Variants in PRDM16 observed in about 807,000 individuals in gnomAD.
The protein encoded by PRDM16 is histone-lysine N-methyltransferase PRDM16.
A neutral mutation model predicts 110.6 loss-of-function variants in PRDM16; 23 were observed. The observed-to-expected ratio is 0.21, with a 90% CI of 0.15 to 0.29. The LOEUF (loss-of-function observed/expected upper bound fraction) is 0.29. PRDM16 is among the 10% of genes least tolerant of loss of function. The pLI is 1.00. For missense variants in PRDM16, 1,615 were observed against 1,794.3 expected (o/e 0.90, Z 1.81); for synonymous variants, 799 against 781.8 (o/e 1.02, Z -0.37).
At chr1:3,335,641 A>ACACACACACACCCC (rs763183715) in intron 3 of PRDM16, among the ~76,000 whole-genome samples, 2 of 146,394 alleles carry the variant, frequency 1.4e-5, no homozygotes, top group African/African-American at 5.0e-5. Flanking sequence ...ACACACACAC[A>ACACACACACACCCC]CCCTTGGACA....
At chr1:3,215,991 C>A (rs1159912280) in intron 2 of PRDM16, among the ~76,000 whole-genome samples, 1 of 152,102 alleles carries the variant, frequency 6.6e-6, no homozygotes, top group Non-Finnish European at 1.5e-5. Context: ...CATTTTTCCC[C>A]CTGAAACACT....
intron 12 of PRDM16, among the ~76,000 whole-genome samples, chr1:3,420,528 A>G (rs1296618161): frequency 1.3e-5 from 2 of 152,234 alleles, no homozygotes; most frequent in Non-Finnish European, 2.9e-5. Flanking sequence ...GTGATAGGGT[A>G]ATCAAACCAG....
rs112486012 is a variant in PRDM16 at position 3,251,890 on chromosome 1, T to C, written c.438+7753T>C. On this transcript the variant is annotated intron_variant, in intron 3 of 16. Coordinates refer to ENST00000270722, the MANE Select transcript of PRDM16 (RefSeq NM_022114.4). ...CTGAGCCCTGGTTAGCCTCTTCTGC[T>C]TTAAACACGAACACACACCTCAGCA... Among the ~76,000 whole-genome samples, 355 of 152,342 alleles carry C rather than the reference T, an allele frequency of 2.3e-3. 1 individual carries two copies. Among genetic ancestry groups the C allele is most frequent in the African/African-American group, 8.2e-3 (340 of 41,564 alleles).
intron 16 of PRDM16, among the ~76,000 whole-genome samples, chr1:3,432,505 G>C (rs1638795608): frequency 6.6e-6 from 1 of 152,222 alleles, no homozygotes; most frequent in Non-Finnish European, 1.5e-5. Flanking sequence ...TGCAGCCCGG[G>C]CTTTTCCCGG....
In PRDM16 at chr1:3,190,294, C is replaced by A. The variant is rs1337424127; in HGVS notation, c.387+3820C>A. Among the ~76,000 whole-genome samples, 3 of 151,872 alleles carry A rather than the reference C, an allele frequency of 2.0e-5. No individual in the cohort carries two copies. The highest frequency in any genetic ancestry group is 7.3e-5 in the African/African-American group (3 of 41,280). On this transcript the variant is annotated intron_variant, in intron 2 of 16. Coordinates refer to ENST00000270722, the MANE Select transcript of PRDM16 (RefSeq NM_022114.4). The surrounding 1 kb of genome is among the most constrained non-coding windows in gnomAD (Gnocchi z 5.0). ...GCCTTACTTCAAGGTCGTGGGGCAGCCTTACTTTAAGTGGGAGCTTTCCGT... is the reference window on the plus strand; with the variant it reads ...GCCTTACTTCAAGGTCGTGGGGCAGACTTACTTTAAGTGGGAGCTTTCCGT...
At chr1:3,135,570 G>A (rs763667691) in intron 1 of PRDM16, among the ~76,000 whole-genome samples, 49 of 152,102 alleles carry the variant, frequency 3.2e-4, no homozygotes, top group Middle Eastern at 3.4e-3. Flanking sequence ...CTCCCCCTCC[G>A]TGGCCCGCAG....
chr1:3,099,020 G>A (rs1156620312), intron 1 of PRDM16, among the ~76,000 whole-genome samples: 2 of 152,210 alleles, frequency 1.3e-5, no homozygotes, highest in African/African-American at 2.4e-5. Flanking sequence ...GGAGGGTTGG[G>A]CCACCCACTC....
intron 3 of PRDM16, among the ~76,000 whole-genome samples, chr1:3,268,212 G>A (rs534461979): frequency 1.1e-4 from 16 of 152,210 alleles, no homozygotes; most frequent in Non-Finnish European, 2.1e-4. Context: ...GGCTCGGCGC[G>A]CGTCAGACCA....
intron 7 of PRDM16, 80 bp downstream of exon 7, chr1:3,404,966 C>A: frequency 6.8e-7 from 1 of 1,475,602 alleles, no homozygotes; most frequent in Admixed American, 2.3e-5. Flanking sequence ...GCTCCCTACA[C>A]CCCCTGGTCC....
intron 3 of PRDM16, among the ~76,000 whole-genome samples, chr1:3,373,066 TG>T (rs1642932114): frequency 6.6e-6 from 1 of 152,150 alleles, no homozygotes; most frequent in South Asian, 2.1e-4. Context: ...GGACCAGACA[TG>T]GATGCTTCCA....
chr1:3,115,008 G>A (rs1176482008), intron 1 of PRDM16, among the ~76,000 whole-genome samples: 1 of 152,276 alleles, frequency 6.6e-6, no homozygotes, highest in South Asian at 2.1e-4. Flanking sequence ...TGACATCTGG[G>A]TGTAGCCTCT....
chr1:3,237,642 G>A (rs1215280194), intron 2 of PRDM16, among the ~76,000 whole-genome samples: 2 of 152,262 alleles, frequency 1.3e-5, no homozygotes, highest in Admixed American at 6.5e-5. Flanking sequence ...GGGAGAGGAA[G>A]AGCAGTGCCC....
At position 3,189,639 on chromosome 1, in the gene PRDM16, A is replaced by G. The variant is rs181755678; in HGVS notation, c.387+3165A>G. Among the ~76,000 whole-genome samples, 173 of 152,378 alleles carry G rather than the reference A, an allele frequency of 1.1e-3. 1 individual carries two copies. The highest frequency in any genetic ancestry group is 2.0e-3 in the Non-Finnish European group (135 of 68,038). ...ATTTACTGAAAAAGAACAAGTAAAG[A>G]TATTTTAGTAAAGATAACAAGCAAA... On this transcript the variant is annotated intron_variant, in intron 2 of 16. Coordinates refer to ENST00000270722, the MANE Select transcript of PRDM16 (RefSeq NM_022114.4).
intron 4 of PRDM16, among the ~76,000 whole-genome samples, chr1:3,392,333 C>T (rs530485673): frequency 6.6e-6 from 1 of 152,186 alleles, no homozygotes; most frequent in African/African-American, 2.4e-5. Flanking sequence ...CTACTTGATT[C>T]AAGCCTGCCT....
chr1:3,186,053 C>T (rs979306425), intron 1 of PRDM16, 72 bp from the exon 2 acceptor site: 47 of 1,329,648 alleles, frequency 3.5e-5, no homozygotes, highest in South Asian at 1.5e-4. Flanking sequence ...CCCGAGTCCC[C>T]GGCGCTCCCT....
chr1:3,435,941 C>T lies in PRDM16; in HGVS notation c.*2130C>T, dbSNP rs891067669. 38 of 230,266 alleles carry T rather than the reference C, an allele frequency of 1.7e-4. No homozygotes were observed. The highest frequency in any genetic ancestry group is 1.6e-4 in the Non-Finnish European group (19 of 116,162). The allele number at this position is 230,266 out of a possible 1,614,324, so 14.3% of individuals were successfully genotyped here. On this transcript the variant is annotated 3_prime_UTR_variant, in exon 17 of 17. Transcript: ENST00000270722. The stretch of plus-strand genomic sequence containing the variant: ...CGCTGGGGCCATGGGGTGGCCCCGC[C>T]GGGGCAGCGGGGGAGCTGCCTGCAG...
At chr1:3,369,365 G>A (rs1642871705) in intron 3 of PRDM16, among the ~76,000 whole-genome samples, 1 of 152,164 alleles carries the variant, frequency 6.6e-6, no homozygotes, top group African/African-American at 2.4e-5. Context: ...CCAAGGGTGG[G>A]CTTAGCACAC....
chr1:3,139,066 G>A (rs1643494280), intron 1 of PRDM16, among the ~76,000 whole-genome samples: 1 of 152,148 alleles, frequency 6.6e-6, no homozygotes, highest in Non-Finnish European at 1.5e-5. Flanking sequence ...TTGGGGCCAG[G>A]TCTGCAGGGG....
chr1:3,230,435 A>G (rs1639380407), intron 2 of PRDM16, among the ~76,000 whole-genome samples: 1 of 152,220 alleles, frequency 6.6e-6, no homozygotes, highest in African/African-American at 2.4e-5. Context: ...CCTGCCCCAG[A>G]GAAGAGACCC....
Sources: allele counts gnomAD v4.1 joint callset (sites outside exome capture counted in the v4.1 genomes callset), GRCh38; gene constraint gnomAD v4.1.1; non-coding constraint Gnocchi (gnomAD v3.1); transcripts MANE v1.5; gene names NCBI Gene and HGNC (gene_info 2026-07-23, HGNC 2026-07-21).